STX5: variants seen among roughly 807,000 people sequenced by gnomAD.
The protein encoded by STX5 is syntaxin-5.
A neutral mutation model predicts 42.9 loss-of-function variants in STX5; 15 were observed. The observed-to-expected ratio is 0.35, with a 90% confidence interval of 0.23 to 0.54. The LOEUF (loss-of-function observed/expected upper bound fraction) is 0.54. STX5 is among the 20% of genes least tolerant of loss of function. The probability of loss-of-function intolerance (pLI) is 0.91; values close to 1 mark genes in which losing one functional copy is unlikely to be tolerated. For missense variants in STX5, 430 were observed against 455.0 expected, an observed-to-expected ratio of 0.95 and a Z score of 0.50; for synonymous variants, 184 against 173.2, an observed-to-expected ratio of 1.06 and a Z score of -0.49.
At chr11:62,826,170 T>A (rs1180378401) in intron 5 of STX5, among the ~76,000 whole-genome samples, 1 of 151,616 alleles carries the variant, frequency 6.6e-6, no homozygotes, top group African/African-American at 2.4e-5. Context: ...AAAAGAATCG[T>A]TTTGAACCTG....
chr11:62,816,408 A>G (rs1185389371), intron 10 of STX5, among the ~76,000 whole-genome samples: 1 of 152,068 alleles, frequency 6.6e-6, no homozygotes, highest in African/African-American at 2.4e-5. Flanking sequence ...TGAGCCTCCT[A>G]AATAGCTAGG....
rs756491829 is a variant in STX5 at position 62,825,542 on chromosome 11, G to A, written c.424-3C>T. On this transcript the variant is annotated splice_region_variant and splice_polypyrimidine_tract_variant and intron_variant, in intron 5 of 10. Transcript: ENST00000294179. ...TGTTTGTTGAGGCTATTGATGTCCT[G>A]GTAAAAGAGTCCAAGGAAAAACAAA... 1.7e-4 allele frequency: 281 copies of A among 1,612,824 alleles called. No homozygotes were observed. The highest frequency in any genetic ancestry group is 2.3e-4 in the Non-Finnish European group (273 of 1,179,752).
At chr11:62,827,318 T>A in intron 4 of STX5, 25 bp downstream of exon 4, 1 of 1,614,222 alleles carries the variant, frequency 6.2e-7, no homozygotes, top group East Asian at 2.2e-5. Flanking sequence ...CTGCCCCACT[T>A]CTGAAAGACC....
chr11:62,816,879 G>C (rs2084679757), intron 10 of STX5, among the ~76,000 whole-genome samples: 1 of 151,158 alleles, frequency 6.6e-6, no homozygotes, highest in South Asian at 2.1e-4. Flanking sequence ...TGGCAACACA[G>C]CAAGACTCTG....
intron 10 of STX5, among the ~76,000 whole-genome samples, chr11:62,811,340 A>C (rs896918298): frequency 6.6e-6 from 1 of 152,150 alleles, no homozygotes; most frequent in Non-Finnish European, 1.5e-5. Flanking sequence ...CACCCAGAAC[A>C]AACCTAATTC....
chr11:62,827,044 C>T (rs1325539482), intron 5 of STX5, 111 bp downstream of exon 5: 2 of 939,630 alleles, frequency 2.1e-6, no homozygotes, highest in Non-Finnish European at 3.3e-6. Flanking sequence ...AGTGAGACCC[C>T]CCTCTCTAAA....
At chr11:62,819,859 A>AC (rs2084719295) in intron 10 of STX5, among the ~76,000 whole-genome samples, 2 of 135,748 alleles carry the variant, frequency 1.5e-5, no homozygotes, top group African/African-American at 5.4e-5. Context: ...ATGCCCAGCT[A>AC]TTTTTTTTTT....
Position 62,815,315 on chromosome 11 carries a change from T to C in STX5, c.909-7687A>G, listed in dbSNP as rs575479320. Among the ~76,000 whole-genome samples the C allele has an allele frequency of 3.9e-5, 6 of 152,014 alleles. No individual in the cohort carries two copies. The East Asian group carries it at 1.2e-3, about 30-fold the overall frequency. The stretch of plus-strand genomic sequence containing the variant: ...GCCACCATGCCCAGCCAACCGGGTG[T>C]GGTTTTTATTTTATTTATTTTTTAT... On this transcript the variant is annotated intron_variant, in intron 10 of 10. Coordinates refer to ENST00000294179, the MANE Select transcript of STX5 (RefSeq NM_003164.5).
chr11:62,827,533 C>A (rs1333998371), intron 3 of STX5, 28 bp downstream of exon 3: 3 of 1,613,924 alleles, frequency 1.9e-6, no homozygotes, highest in Non-Finnish European at 2.5e-6. Context: ...CACTGTATCA[C>A]CCCACCAGAA....
At chr11:62,814,375 G>C (rs914671729) in intron 10 of STX5, among the ~76,000 whole-genome samples, 3 of 152,178 alleles carry the variant, frequency 2.0e-5, no homozygotes, top group African/African-American at 7.2e-5. Flanking sequence ...TGATCAGCCT[G>C]GTCTCGAACT....
At chr11:62,808,595 T>C (rs976443614) in intron 10 of STX5, among the ~76,000 whole-genome samples, 1 of 152,022 alleles carries the variant, frequency 6.6e-6, no homozygotes, top group Admixed American at 6.6e-5. Flanking sequence ...ACTAAAAAAA[T>C]AATAATAAAT....
chr11:62,807,750 T>A, intron 10 of STX5, 122 bp from the exon 11 acceptor site: 1 of 1,479,700 alleles, frequency 6.8e-7, no homozygotes, highest in South Asian at 1.4e-5. Flanking sequence ...TATATATTTG[T>A]GTATAGAAAA....
At chr11:62,820,004 A>G (rs1228408192) in intron 10 of STX5, among the ~76,000 whole-genome samples, 1 of 149,722 alleles carries the variant, frequency 6.7e-6, no homozygotes, top group Non-Finnish European at 1.5e-5. Context: ...CTCCCAGGCC[A>G]GTAAGTGGAG....
At chr11:62,818,565 G>GAAAAAAAAAAAAAAA (rs1307603732) in intron 10 of STX5, among the ~76,000 whole-genome samples, 1 of 92,758 alleles carries the variant, frequency 1.1e-5, no homozygotes. Flanking sequence ...CTCTGTCTCA[G>GAAAAAAAAAAAAAAA]AAAAAAAAAA....
chr11:62,824,025 G>A (rs2134844427), intron 10 of STX5, 141 bp downstream of exon 10: 1 of 1,364,884 alleles, frequency 7.3e-7, no homozygotes, highest in African/African-American at 1.4e-5. Context: ...TGGGTGGATG[G>A]AAGCAGGTGA....
chr11:62,826,126 C>T (rs965272429), intron 5 of STX5, among the ~76,000 whole-genome samples: 8 of 152,048 alleles, frequency 5.3e-5, no homozygotes, highest in African/African-American at 1.9e-4. Flanking sequence ...TGGTGGCGCG[C>T]GCCTATAATC....
At chr11:62,816,514 C>G (rs1370017667) in intron 10 of STX5, among the ~76,000 whole-genome samples, 2 of 152,018 alleles carry the variant, frequency 1.3e-5, no homozygotes, top group African/African-American at 4.8e-5. Flanking sequence ...CTTCTGGCCT[C>G]AAGCAATCCT....
chr11:62,828,235 C>T (rs1247933933), intron 2 of STX5, among the ~76,000 whole-genome samples: 1 of 151,964 alleles, frequency 6.6e-6, no homozygotes, highest in Non-Finnish European at 1.5e-5. Flanking sequence ...CAACTTCAGC[C>T]TCCCAAGTAG....
At chr11:62,817,811 G>A (rs1416021793) in intron 10 of STX5, among the ~76,000 whole-genome samples, 1 of 152,056 alleles carries the variant, frequency 6.6e-6, no homozygotes, top group Admixed American at 6.6e-5. Flanking sequence ...ACAGCAGATT[G>A]ACCTGAAAAT....
Sources: gnomAD v4.1 joint callset for allele counts (sites outside exome capture counted in the v4.1 genomes callset) on GRCh38, gnomAD v4.1.1 for gene constraint, MANE v1.5 for transcripts, NCBI Gene and HGNC (gene_info 2026-07-23, HGNC 2026-07-21) for gene names.